COG5: variants seen among roughly 807,000 people sequenced by gnomAD.
COG5 encodes the protein component of oligomeric golgi complex 5, also known as conserved oligomeric Golgi complex subunit 5.
COG5 carries 86 observed loss-of-function variants against 110.4 expected under a neutral mutation model. That is an observed-to-expected ratio of 0.78 (90% CI 0.65 to 0.93). The LOEUF (loss-of-function observed/expected upper bound fraction) is 0.93, where lower values mean the gene tolerates loss of function less well. Among genes scored for constraint, COG5 ranks in the 40% least tolerant of loss-of-function variants. COG5 has a pLI of 0.00. For synonymous variants in COG5, 360 were observed against 334.6 expected, an observed-to-expected ratio of 1.08 and a Z score of -0.83; for missense variants, 1,077 against 987.0, an observed-to-expected ratio of 1.09 and a Z score of -1.22.
intron 10 of COG5, among the ~76,000 whole-genome samples, chr7:107,348,125 C>CAA (rs34140927): frequency 0.19 from 9,531 of 50,350 alleles, 1,258 homozygotes; most frequent in East Asian, 0.32. Flanking sequence ...GACTCCATCT[C>CAA]AAAAAAAAAA....
At chr7:107,489,416 T>G (rs1216999649) in intron 6 of COG5, among the ~76,000 whole-genome samples, 2 of 152,150 alleles carry the variant, frequency 1.3e-5, no homozygotes, top group Non-Finnish European at 2.9e-5. Flanking sequence ...GCTGTATAGT[T>G]CACTCAGCTT....
At chr7:107,215,153 G>C (rs1226777645) in intron 19 of COG5, among the ~76,000 whole-genome samples, 1 of 151,806 alleles carries the variant, frequency 6.6e-6, no homozygotes, top group Non-Finnish European at 1.5e-5. Context: ...CTAGAGTAGA[G>C]GCACAAAACA....
chr7:107,526,254 T>C (rs938486703), intron 6 of COG5, among the ~76,000 whole-genome samples: 2 of 152,204 alleles, frequency 1.3e-5, no homozygotes, highest in African/African-American at 4.8e-5. Flanking sequence ...CCACTACATA[T>C]ATCCACTTCA....
chr7:107,495,568 T>C (rs983220235), intron 6 of COG5, among the ~76,000 whole-genome samples: 1 of 152,000 alleles, frequency 6.6e-6, no homozygotes, highest in Non-Finnish European at 1.5e-5. Context: ...GATAACATGA[T>C]CCATATGCAT....
At chr7:107,499,652 C>A (rs1798512251) in intron 6 of COG5, among the ~76,000 whole-genome samples, 1 of 152,212 alleles carries the variant, frequency 6.6e-6, no homozygotes, top group East Asian at 1.9e-4. Context: ...AGAGATCAGG[C>A]TGCCTCAGAC....
At chr7:107,259,619 G>C (rs954371651) in intron 14 of COG5, among the ~76,000 whole-genome samples, 1 of 152,142 alleles carries the variant, frequency 6.6e-6, no homozygotes, top group East Asian at 1.9e-4. Context: ...ACATACATCT[G>C]ACTATAATGG....
Position 107,317,734 on chromosome 7 carries a change from A to G in COG5, c.1108+6706T>C, listed in dbSNP as rs184600779. On this transcript the variant is annotated intron_variant, in intron 11 of 21. Coordinates refer to ENST00000297135, the MANE Select transcript of COG5 (RefSeq NM_006348.5). ...AGGTTAAGTTCATGTTTAATATCCA[A>G]TAAAAATTATTAGACATGCAAATAA... 3.9e-3 allele frequency among the ~76,000 whole-genome samples: 590 copies of G among 152,328 alleles called. 13 individuals carry two copies. The highest frequency in any genetic ancestry group is 0.035 in the Admixed American group (541 of 15,298).
intron 14 of COG5, among the ~76,000 whole-genome samples, chr7:107,269,274 G>A (rs1804052438): frequency 6.6e-6 from 1 of 152,068 alleles, no homozygotes; most frequent in Admixed American, 6.5e-5. Flanking sequence ...ACAAGATTGA[G>A]ACCATCCTGG....
intron 10 of COG5, among the ~76,000 whole-genome samples, chr7:107,337,094 C>A (rs542671853): frequency 6.6e-6 from 1 of 151,808 alleles, no homozygotes; most frequent in South Asian, 2.1e-4. Context: ...AAAACCACAA[C>A]GAGATATGAC....
At chr7:107,324,304 A>C in intron 11 of COG5, 136 bp downstream of exon 11, 1 of 610,726 alleles carries the variant, frequency 1.6e-6, no homozygotes, top group African/African-American at 1.9e-5. Flanking sequence ...ACATCTAGAC[A>C]AAATAACAAT....
At chr7:107,293,746 G>A (rs1806363451) in intron 12 of COG5, among the ~76,000 whole-genome samples, 1 of 151,962 alleles carries the variant, frequency 6.6e-6, no homozygotes. Flanking sequence ...ACTTCCCTAT[G>A]TAATCTCTTC....
At chr7:107,206,988 G>GA (rs568684123) in intron 21 of COG5, among the ~76,000 whole-genome samples, 11 of 144,606 alleles carry the variant, frequency 7.6e-5, no homozygotes, top group South Asian at 4.5e-4. Context: ...TCCTTATTGA[G>GA]AAAAAAAACA....
chr7:107,436,054 C>G (rs1034271055), intron 6 of COG5, among the ~76,000 whole-genome samples: 1 of 152,214 alleles, frequency 6.6e-6, no homozygotes, highest in Non-Finnish European at 1.5e-5. Flanking sequence ...AGAAATACCA[C>G]ATGTTCTCAC....
At chr7:107,298,853 AG>A (rs1330805860) in intron 11 of COG5, among the ~76,000 whole-genome samples, 2 of 152,234 alleles carry the variant, frequency 1.3e-5, no homozygotes, top group African/African-American at 2.4e-5. Context: ...TAACCAAAAT[AG>A]TTTTAGATTA....
intron 10 of COG5, among the ~76,000 whole-genome samples, chr7:107,346,083 T>C (rs1257937136): frequency 6.6e-6 from 1 of 152,218 alleles, no homozygotes; most frequent in Non-Finnish European, 1.5e-5. Context: ...AACTAATTGA[T>C]GCTGTATAGA....
At chr7:107,433,026 A>G (rs1794133201) in intron 6 of COG5, among the ~76,000 whole-genome samples, 1 of 152,204 alleles carries the variant, frequency 6.6e-6, no homozygotes, top group African/African-American at 2.4e-5. Context: ...GTTGCATTTC[A>G]GTACACTAAC....
At chr7:107,415,138 G>A (rs959536305) in intron 6 of COG5, among the ~76,000 whole-genome samples, 1 of 152,114 alleles carries the variant, frequency 6.6e-6, no homozygotes, top group Non-Finnish European at 1.5e-5. Flanking sequence ...TCACCACAAT[G>A]TTAGCACTAA....
chr7:107,544,374 C>A (rs1404831458), intron 5 of COG5, among the ~76,000 whole-genome samples: 1 of 152,222 alleles, frequency 6.6e-6, no homozygotes, highest in Non-Finnish European at 1.5e-5. Flanking sequence ...AGGCTTCAGA[C>A]CAGCTCTTGT....
At chr7:107,259,550 C>A (rs1803157126) in intron 14 of COG5, among the ~76,000 whole-genome samples, 1 of 151,968 alleles carries the variant, frequency 6.6e-6, no homozygotes, top group Non-Finnish European at 1.5e-5. Flanking sequence ...GTGTAAGTGG[C>A]CATGGTGAGT....
Sources: gnomAD v4.1 joint callset for allele counts (sites outside exome capture counted in the v4.1 genomes callset) on GRCh38, gnomAD v4.1.1 for gene constraint, MANE v1.5 for transcripts, NCBI Gene and HGNC (gene_info 2026-07-23, HGNC 2026-07-21) for gene names.